The following NOTO variants were observed in gnomAD, a reference collection of about 807,000 sequenced individuals.
The protein encoded by NOTO is notochord homeobox.
NOTO carries 19 observed loss-of-function variants against 20.5 expected under a neutral mutation model. The observed-to-expected ratio is 0.93, with a 90% CI of 0.65 to 1.36. NOTO has a LOEUF of 1.36. Ranked by LOEUF, NOTO falls within the 40% of genes most tolerant of loss-of-function variation. The pLI is 0.00. For missense variants in NOTO, 369 were observed against 336.2 expected (o/e 1.10, Z -0.76); for synonymous variants, 150 against 150.2 (o/e 1.00, Z 0.01).
chr2:73,211,297 G>T lies in NOTO; in HGVS notation c.*368G>T. The T allele has an allele frequency of 5.8e-6, 1 of 172,690 alleles. No individual in the cohort carries two copies. The highest frequency in any genetic ancestry group is 1.2e-5 in the Non-Finnish European group (1 of 83,682). 10.7% of individuals were successfully genotyped at this position (172,690 alleles called of 1,614,324 possible). ...ACTGTTAAGGCTTGTAGGCCCCTGAGTAGAGAAGACCAACTGGAAAAAAAA... is the reference window on the plus strand; with the variant it reads ...ACTGTTAAGGCTTGTAGGCCCCTGATTAGAGAAGACCAACTGGAAAAAAAA... On this transcript the variant is annotated 3_prime_UTR_variant, in exon 3 of 3. Coordinates refer to ENST00000398468, the MANE Select transcript of NOTO (RefSeq NM_001134462.2).
Position 73,208,471 on chromosome 2 carries a change from A to G in NOTO, c.454A>G (p.Thr152Ala), listed in dbSNP as rs779050268. The G allele has an allele frequency of 4.5e-6, 7 of 1,551,692 alleles. No individual in the cohort carries two copies. The South Asian group carries it at 8.3e-5, about 18-fold the overall frequency. The change falls in exon 2 of 3, where the codon ACT becomes GCT. Residue 152 changes from threonine to alanine, a missense_variant. Transcript: ENST00000398468. Reference sequence around the variant, plus strand: ...GGCCCCAACGGAGGACCTACAGGACACTGAGAGACAGCAAAAGAGAGTCCG... The same window carrying G: ...GGCCCCAACGGAGGACCTACAGGACGCTGAGAGACAGCAAAAGAGAGTCCG... ...DWAPTEDLQD[T>A]ERQQKRVRTM... is the part of the protein sequence containing the mutation.
In NOTO at chr2:73,210,905, T is replaced by C; in HGVS notation, c.732T>C (p.Asp244=). The change falls in exon 3 of 3, where the codon GAT becomes GAC. Residue 244 remains aspartate, a synonymous_variant. Coordinates refer to ENST00000398468, the MANE Select transcript of NOTO (RefSeq NM_001134462.2). Reference sequence around the variant, plus strand: ...CCATCGCCAGTATCCAGAGTGATGATGCCGAGTCAGGAGTGGACGGCTGAA... The same window carrying C: ...CCATCGCCAGTATCCAGAGTGATGACGCCGAGTCAGGAGTGGACGGCTGAA... The part of the protein sequence containing the change: ...SSSIASIQSD[D]AESGVDG 1.3e-6 allele frequency: 2 copies of C among 1,551,444 alleles called. No homozygotes were observed. The highest frequency in any genetic ancestry group is 1.7e-6 in the Non-Finnish European group (2 of 1,146,848).
At chr2:73,208,367 G>T in intron 1 of NOTO, 33 bp from the exon 2 acceptor site, 1 of 1,484,662 alleles carries the variant, frequency 6.7e-7, no homozygotes, top group South Asian at 1.2e-5. Flanking sequence ...CCCTGCTGCT[G>T]GATAACCTCC....
rs1283467242 is a variant in NOTO at position 73,202,870 on chromosome 2, G to T, written c.204G>T (p.Pro68=). Residue 68 remains proline (P), a synonymous_variant, in exon 1 of 3, where the codon CCG becomes CCT. Coordinates refer to ENST00000398468, the MANE Select transcript of NOTO (RefSeq NM_001134462.2). ...CCTGCGCGCCGGCGGCCTCCCAGCC[G>T]TCGGGCTCCGCCTGCGTCCACCCGG... ...PDPCAPAASQ[P]SGSACVHPAF... 5.9e-6 allele frequency: 9 copies of T among 1,526,396 alleles called. No homozygotes were observed. Among genetic ancestry groups the T allele is most frequent in the Non-Finnish European group, 7.0e-6 (8 of 1,142,164 alleles). 94.6% of individuals were successfully genotyped at this position (1,526,396 alleles called of 1,614,324 possible).
In NOTO at chr2:73,210,986, C is replaced by T. The variant is rs1686172235; in HGVS notation, c.*57C>T. ...TGGACTAGTTCCTCCTGGGGGTACCCACTGGAGCTCCCTGCCTCACACCTC... is the reference window on the plus strand; with the variant it reads ...TGGACTAGTTCCTCCTGGGGGTACCTACTGGAGCTCCCTGCCTCACACCTC... On this transcript the variant is annotated 3_prime_UTR_variant, in exon 3 of 3. Transcript: ENST00000398468. 7 of 1,427,456 alleles carry T rather than the reference C, an allele frequency of 4.9e-6. No homozygotes were observed. The highest frequency in any genetic ancestry group is 5.7e-6 in the Non-Finnish European group (6 of 1,055,836). 88.4% of individuals were successfully genotyped at this position (1,427,456 alleles called of 1,614,324 possible).
rs757239302 is a variant in NOTO, at chr2:73,208,490, G to A, written c.473G>A (p.Arg158Lys). ...CAGGACACTGAGAGACAGCAAAAGA[G>A]AGTCCGAACTATGTTTAACTTGGAG... Reference protein sequence around the residue: ...DLQDTERQQKRVRTMFNLEQL... With the variant: ...DLQDTERQQKKVRTMFNLEQL... Residue 158 changes from arginine (R) to lysine (K), a missense_variant, in exon 2 of 3, where the codon AGA (arginine) becomes AAA (lysine). By Grantham distance (26) the Arg-to-Lys change is conservative. Coordinates refer to ENST00000398468, the MANE Select transcript of NOTO (RefSeq NM_001134462.2). The A allele has an allele frequency of 2.9e-5, 45 of 1,551,516 alleles. No individual in the cohort carries two copies. Among genetic ancestry groups the A allele is most frequent in the Non-Finnish European group, 3.9e-5 (45 of 1,146,910 alleles).
intron 2 of NOTO, among the ~76,000 whole-genome samples, chr2:73,209,645 G>A (rs1202372342): frequency 1.3e-5 from 2 of 152,034 alleles, no homozygotes; most frequent in Non-Finnish European, 2.9e-5. Flanking sequence ...TTCCCAGCTG[G>A]TCTCATCTAT....
rs763001329 is a variant in NOTO at position 73,204,870 on chromosome 2, A to ATTTTTTTT, written c.382+1823_382+1830dup. Among the ~76,000 whole-genome samples the ATTTTTTTT allele has an allele frequency of 2.6e-3, 245 of 92,960 alleles. 27 individuals are homozygous for ATTTTTTTT. Among genetic ancestry groups the ATTTTTTTT allele is most frequent in the African/African-American group, 5.9e-3 (99 of 16,676 alleles). The allele number at this position is 92,960 out of a possible 152,430, so 61.0% of individuals were successfully genotyped here. A position where few individuals can be genotyped will look rare whatever the true frequency, so the allele number is the denominator to read the frequency against. On this transcript the variant is annotated intron_variant, in intron 1 of 2. Coordinates refer to ENST00000398468, the MANE Select transcript of NOTO (RefSeq NM_001134462.2). ...CAAGCCCCAGCACCATGCCCGGCTAATTTTTTTTATTTTTTTATTTTTTTT... is the reference window on the plus strand; with the variant it reads ...CAAGCCCCAGCACCATGCCCGGCTAATTTTTTTTTTTTTTTTATTTTTTTATTTTTTTT...
At chr2:73,203,739 T>A (rs1574334382) in intron 1 of NOTO, among the ~76,000 whole-genome samples, 1 of 150,464 alleles carries the variant, frequency 6.6e-6, no homozygotes, top group South Asian at 2.1e-4. Flanking sequence ...CCGAGGCGGG[T>A]GGATCACCTG....
At chr2:73,206,146 TC>T (rs1338896776) in intron 1 of NOTO, among the ~76,000 whole-genome samples, 2 of 152,224 alleles carry the variant, frequency 1.3e-5, no homozygotes, top group Non-Finnish European at 2.9e-5. Context: ...TTTAAATATT[TC>T]CTCCATTTAG....
chr2:73,208,758 A>G, intron 2 of NOTO, 144 bp downstream of exon 2: 1 of 617,030 alleles, frequency 1.6e-6, no homozygotes. Flanking sequence ...GACTTTTTGC[A>G]CACTCTATAT....
intron 1 of NOTO, among the ~76,000 whole-genome samples, chr2:73,206,080 G>C (rs1686084613): frequency 6.6e-6 from 1 of 152,074 alleles, no homozygotes; most frequent in African/African-American, 2.4e-5. Context: ...TCACTGTGAA[G>C]TCATAAAATA....
rs756186839 is a variant in NOTO, at chr2:73,210,908, C to T, written c.735C>T (p.Ala245=). The T allele has an allele frequency of 3.9e-6, 6 of 1,551,238 alleles. No individual in the cohort carries two copies. Among genetic ancestry groups the T allele is most frequent in the Non-Finnish European group, 3.5e-6 (4 of 1,146,770 alleles). The change falls in exon 3 of 3, where the codon GCC becomes GCT. Residue 245 remains alanine (A), a synonymous_variant. Transcript: ENST00000398468. Reference sequence around the variant, plus strand: ...TCGCCAGTATCCAGAGTGATGATGCCGAGTCAGGAGTGGACGGCTGAAGAC... The same window carrying T: ...TCGCCAGTATCCAGAGTGATGATGCTGAGTCAGGAGTGGACGGCTGAAGAC... ...SSIASIQSDD[A]ESGVDG is the part of the protein sequence containing the mutation.
At chr2:73,209,638 C>T (rs1170540393) in intron 2 of NOTO, among the ~76,000 whole-genome samples, 3 of 152,128 alleles carry the variant, frequency 2.0e-5, no homozygotes, top group Non-Finnish European at 2.9e-5. Flanking sequence ...AAATCTCTTC[C>T]CAGCTGGTCT....
chr2:73,203,288 G>A lies in NOTO; in HGVS notation c.382+240G>A, dbSNP rs58112913. ...ACGCTGCTGAGGTGGGAGAGGGTGGGTGTGAGGGCGGCGCAGCGCCTGAAT... is the reference window on the plus strand; with the variant it reads ...ACGCTGCTGAGGTGGGAGAGGGTGGATGTGAGGGCGGCGCAGCGCCTGAAT... On this transcript the variant is annotated intron_variant, in intron 1 of 2. Transcript: ENST00000398468. Among the ~76,000 whole-genome samples, 44,679 of 152,128 alleles carry A rather than the reference G, an allele frequency of 0.29. 6,710 individuals carry two copies. Among genetic ancestry groups the A allele is most frequent in the East Asian group, 0.36 (1,868 of 5,152 alleles).
In NOTO at chr2:73,211,895, G is replaced by A. The variant is rs1686189753; in HGVS notation, c.*966G>A. 1 of 152,210 alleles carries A rather than the reference G, an allele frequency of 6.6e-6. No individual in the cohort carries two copies. The highest frequency in any genetic ancestry group is 1.5e-5 in the Non-Finnish European group (1 of 68,054). The allele number at this position is 152,210 out of a possible 1,614,324, so 9.4% of individuals were successfully genotyped here. On this transcript the variant is annotated 3_prime_UTR_variant, in exon 3 of 3. Coordinates refer to ENST00000398468, the MANE Select transcript of NOTO (RefSeq NM_001134462.2). ...GAGTTCTATGCCAGGAAATCGAGAT[G>A]AAGACCAAATATATATTTCATAATA... is the stretch of plus-strand genomic sequence containing the variant.
chr2:73,208,059 C>G (rs1686113936), intron 1 of NOTO, among the ~76,000 whole-genome samples: 1 of 152,218 alleles, frequency 6.6e-6, no homozygotes, highest in African/African-American at 2.4e-5. Flanking sequence ...CTTCTCTGCC[C>G]ATTCCATGGC....
intron 1 of NOTO, among the ~76,000 whole-genome samples, chr2:73,207,557 A>G (rs1006337151): frequency 2.7e-5 from 4 of 149,598 alleles, no homozygotes; most frequent in East Asian, 1.9e-4. Context: ...ATGACTCCCA[A>G]TTTTTTTTTT....
chr2:73,205,418 TGCCTGGGAG>T (rs1015746443), intron 1 of NOTO, among the ~76,000 whole-genome samples: 1 of 151,984 alleles, frequency 6.6e-6, no homozygotes, highest in African/African-American at 2.4e-5. Flanking sequence ...GGATTGCTTG[TGCCTGGGAG>T]GCAGAGGTTG....
Sources: gnomAD v4.1 joint callset for allele counts (sites outside exome capture counted in the v4.1 genomes callset) on GRCh38, gnomAD v4.1.1 for gene constraint, MANE v1.5 for transcripts, NCBI Gene and HGNC (gene_info 2026-07-23, HGNC 2026-07-21) for gene names.